Variants in DDR1 observed in about 807,000 individuals in gnomAD.
DDR1 encodes the protein epithelial discoidin domain-containing receptor 1.
DDR1 carries 64 observed loss-of-function variants against 97.4 expected under a neutral mutation model. That is an observed-to-expected ratio of 0.66 (90% CI 0.54 to 0.81). The LOEUF (loss-of-function observed/expected upper bound fraction) is 0.81, where lower values mean the gene tolerates loss of function less well. Ranked by LOEUF, DDR1 falls within the 30% of genes least tolerant of loss-of-function variation. The pLI, the probability that DDR1 is intolerant of heterozygous loss-of-function variation, is 0.00. For missense variants in DDR1, 990 were observed against 1,259.6 expected (o/e 0.79, Z 3.24); for synonymous variants, 458 against 503.7 (o/e 0.91, Z 1.21).
rs1055137436 is a variant in DDR1, at chr6:30,896,815, C to T, written c.1819C>T (p.Arg607Ter). ...GDGPPRVDFP[R>*]SRLRFKEKLG... Reference sequence around the variant, plus strand: ...TGGGCCCCCCAGAGTGGATTTCCCTCGATCTCGACTCCGCTTCAAGGAGAA... The same window carrying T: ...TGGGCCCCCCAGAGTGGATTTCCCTTGATCTCGACTCCGCTTCAAGGAGAA... The change falls in exon 13 of 18, where the codon CGA becomes TGA. Residue 607 changes from arginine to a stop codon, truncating the protein, a stop_gained. Transcript: ENST00000376568. LOFTEE classifies it high-confidence loss of function. The T allele has an allele frequency of 2.5e-6, 4 of 1,591,124 alleles. No individual in the cohort carries two copies. In the African/African-American group the frequency reaches 4.0e-5, roughly 16 times the overall value.
At position 30,892,037 on chromosome 6, in the gene DDR1, G is replaced by T; in HGVS notation, c.701G>T (p.Gly234Val). The change falls in exon 7 of 18, where the codon GGT (glycine) becomes GTT (valine). Residue 234 changes from glycine (G) to valine (V), a missense_variant. Transcript: ENST00000376568. ...QYGGLGQLAD[G>V]VVGLDDFRKS... is the part of the protein sequence containing the mutation. The stretch of plus-strand genomic sequence containing the variant: ...GGGGGTCTGGGCCAGCTGGCAGATG[G>T]TGTGGTGGGGCTGGATGACTTTAGG... The T allele has an allele frequency of 6.2e-7, 1 of 1,614,106 alleles. No homozygotes were observed. Among genetic ancestry groups the T allele is most frequent in the Non-Finnish European group, 8.5e-7 (1 of 1,179,980 alleles).
Position 30,897,078 on chromosome 6 carries a change from G to C in DDR1, c.1934G>C (p.Arg645Pro), listed in dbSNP as rs758007556. The C allele has an allele frequency of 6.2e-7, 1 of 1,613,842 alleles. No homozygotes were observed. ...LVSLDFPLNV[R>P]KGHPLLVAVK... ...AGTCTTGATTTCCCCCTTAATGTGC[G>C]TAAGGGACACCCTTTGCTGGTAGCT... The change falls in exon 14 of 18, where the codon CGT becomes CCT. Residue 645 changes from arginine (R) to proline (P), a missense_variant. By Grantham distance (103) the Arg-to-Pro change is moderately radical. Coordinates refer to ENST00000376568, the MANE Select transcript of DDR1 (RefSeq NM_001297654.2). The surrounding 1 kb of genome is among the most constrained non-coding windows in gnomAD (Gnocchi z 5.2).
In DDR1 at chr6:30,886,278, G is replaced by A. The variant is rs925910841; in HGVS notation, c.-43+1568G>A. On this transcript the variant is annotated intron_variant, in intron 1 of 17. Transcript: ENST00000376568. The surrounding 1 kb of genome is among the most constrained non-coding windows in gnomAD (Gnocchi z 4.6). ...TGACTCATCTGGGATAGGCATGAAG[G>A]TTACTTAGGGGAACAAGAGCCCCGC... 6.6e-6 allele frequency among the ~76,000 whole-genome samples: 1 copy of A among 152,160 alleles called. No individual in the cohort carries two copies. The highest frequency in any genetic ancestry group is 1.5e-5 in the Non-Finnish European group (1 of 68,026).
rs1792161590 is a variant in DDR1, at chr6:30,899,358, CAA to C, written c.*63_*64del. Reference sequence around the variant, plus strand: ...CCAGGGGAAGCCAGTGACACTAAAACAAGAGGACACAATGGCACCTCTGCCCT... The same window carrying C: ...CCAGGGGAAGCCAGTGACACTAAAACGAGGACACAATGGCACCTCTGCCCT... On this transcript the variant is annotated 3_prime_UTR_variant, in exon 18 of 18. Coordinates refer to ENST00000376568, the MANE Select transcript of DDR1 (RefSeq NM_001297654.2). 5 of 1,549,926 alleles carry C rather than the reference CAA, an allele frequency of 3.2e-6. No individual in the cohort carries two copies. The African/African-American group carries it at 4.1e-5, about 13-fold the overall frequency.
At chr6:30,895,539 C>T (rs768104727) in intron 12 of DDR1, 25 bp downstream of exon 12, 12 of 1,457,918 alleles carry the variant, frequency 8.2e-6, no homozygotes, top group South Asian at 2.4e-5. Flanking sequence ...CCCTGGGCTC[C>T]GCCAGGCTCC....
chr6:30,898,992 G>A lies in DDR1; in HGVS notation c.2556G>A (p.Gln852=). 7 of 1,614,206 alleles carry A rather than the reference G, an allele frequency of 4.3e-6. No individual in the cohort carries two copies. Among genetic ancestry groups the A allele is most frequent in the Non-Finnish European group, 5.9e-6 (7 of 1,180,044 alleles). ...AQPFGQLTDE[Q]VIENAGEFFR... is the part of the protein sequence containing the mutation. ...CCTTTGGGCAGCTCACCGACGAGCAGGTCATCGAGAACGCGGGGGAGTTCT... is the reference window on the plus strand; with the variant it reads ...CCTTTGGGCAGCTCACCGACGAGCAAGTCATCGAGAACGCGGGGGAGTTCT... The change falls in exon 17 of 18, where the codon CAG becomes CAA. Residue 852 remains glutamine (Q), a synonymous_variant. Transcript: ENST00000376568.
Position 30,899,052 on chromosome 6 carries a change from G to C in DDR1, c.2601+15G>C, listed in dbSNP as rs769873326. On this transcript the variant is annotated intron_variant, in intron 17 of 17. Coordinates refer to ENST00000376568, the MANE Select transcript of DDR1 (RefSeq NM_001297654.2). ...AGGGCCGGCAGGTCAGAGTGGAGGAGAGGGAAGATGGGTCCGAGGCGGGGG... is the reference window on the plus strand; with the variant it reads ...AGGGCCGGCAGGTCAGAGTGGAGGACAGGGAAGATGGGTCCGAGGCGGGGG... 1.2e-6 allele frequency: 2 copies of C among 1,614,168 alleles called. No individual in the cohort carries two copies. Among genetic ancestry groups the C allele is most frequent in the African/African-American group, 1.3e-5 (1 of 75,038 alleles).
chr6:30,891,554 T>TGA lies in DDR1; in HGVS notation c.665+76_665+77insAG, dbSNP rs1788308737. ...GTGTGTGTGTGTGTGTGTGTGTGTGTGTGAGAGTGTGTGTGTGTAGGGGGG... is the reference window on the plus strand; with the variant it reads ...GTGTGTGTGTGTGTGTGTGTGTGTGTGAGTGAGAGTGTGTGTGTGTAGGGGGG... On this transcript the variant is annotated intron_variant, in intron 6 of 17. Transcript: ENST00000376568. The surrounding 1 kb of genome is among the most constrained non-coding windows in gnomAD (Gnocchi z 5.3). 5 of 943,160 alleles carry TGA rather than the reference T, an allele frequency of 5.3e-6. No individual in the cohort carries two copies. Among genetic ancestry groups the TGA allele is most frequent in the South Asian group, 3.0e-5 (2 of 65,606 alleles). The allele number at this position is 943,160 out of a possible 1,614,324, so 58.4% of individuals were successfully genotyped here.
At chr6:30,885,511 T>G in intron 1 of DDR1, 1 of 1,227,798 alleles carries the variant, frequency 8.1e-7, no homozygotes, top group Non-Finnish European at 1.1e-6. Context: ...CCATGTGTGT[T>G]AGAGGCTGGG....
Position 30,897,066 on chromosome 6 carries a change from C to T in DDR1, c.1922C>T (p.Pro641Leu). The change falls in exon 14 of 18, where the codon CCC (proline) becomes CTC (leucine). Residue 641 changes from proline (P) to leucine (L), a missense_variant. Transcript: ENST00000376568. The surrounding 1 kb of genome is among the most constrained non-coding windows in gnomAD (Gnocchi z 5.2). ...CAAGATCTGGTTAGTCTTGATTTCC[C>T]CCTTAATGTGCGTAAGGGACACCCT... The part of the protein sequence containing the change: ...SPQDLVSLDF[P>L]LNVRKGHPLL... 4.3e-6 allele frequency: 7 copies of T among 1,613,906 alleles called. No homozygotes were observed. Among genetic ancestry groups the T allele is most frequent in the East Asian group, 2.2e-5 (1 of 44,856 alleles).
At position 30,897,382 on chromosome 6, in the gene DDR1, T is replaced by C. The variant is rs1246483740; in HGVS notation, c.2001T>C (p.Asn667=). The change falls in exon 15 of 18, where the codon AAT becomes AAC. Residue 667 remains asparagine, a synonymous_variant. Transcript: ENST00000376568. This position sits in a 1 kb window ranked among gnomAD's most constrained non-coding sequence, Gnocchi z 5.2. ...TCAGCTTCTCCTTGTTCTCCAGGAA[T>C]GATTTCCTGAAAGAGGTGAAGATCA... ...LRPDATKNAR[N]DFLKEVKIMS... The C allele has an allele frequency of 4.3e-6, 7 of 1,613,892 alleles. No homozygotes were observed. Among genetic ancestry groups the C allele is most frequent in the East Asian group, 2.2e-5 (1 of 44,866 alleles).
chr6:30,900,050 T>A lies in DDR1; in HGVS notation c.*754T>A, dbSNP rs771530775. 1.7e-6 allele frequency: 1 copy of A among 596,562 alleles called. No homozygotes were observed. The highest frequency in any genetic ancestry group is 3.2e-6 in the Non-Finnish European group (1 of 307,782). The allele number at this position is 596,562 out of a possible 1,614,324, so 37.0% of individuals were successfully genotyped here. On this transcript the variant is annotated 3_prime_UTR_variant, in exon 18 of 18. Coordinates refer to ENST00000376568, the MANE Select transcript of DDR1 (RefSeq NM_001297654.2). The stretch of plus-strand genomic sequence containing the variant: ...CTATAATCACTTGGGGTTTGTACAT[T>A]TTTGGGGGGAGAGACACAGATTTTT...
At position 30,895,443 on chromosome 6, in the gene DDR1, C is replaced by T. The variant is rs539458320; in HGVS notation, c.1553C>T (p.Ala518Val). The change falls in exon 12 of 18, where the codon GCC becomes GTC. Residue 518 changes from alanine (A) to valine (V), a missense_variant. Transcript: ENST00000376568. ...LSNPAYRLLL[A>V]TYARPPRGPG... The stretch of plus-strand genomic sequence containing the variant: ...AATCCAGCCTACCGCCTCCTTCTGG[C>T]CACTTACGCCCGTCCCCCTCGAGGC... 5 of 1,610,602 alleles carry T rather than the reference C, an allele frequency of 3.1e-6. No individual in the cohort carries two copies. The highest frequency in any genetic ancestry group is 2.2e-5 in the East Asian group (1 of 44,742).
chr6:30,883,280 T>C (rs1210632116), upstream of DDR1: 1 of 152,140 alleles, frequency 6.6e-6, no homozygotes, highest in Non-Finnish European at 1.5e-5. This position sits in a 1 kb window ranked among gnomAD's most constrained non-coding sequence, Gnocchi z 4.9. Flanking sequence ...GGGGCGGAGA[T>C]GTGCAGTGGA....
At chr6:30,885,093 C>A in intron 1 of DDR1, 1 of 1,102,050 alleles carries the variant, frequency 9.1e-7, no homozygotes, top group Non-Finnish European at 1.3e-6. Context: ...AACTGCTAAG[C>A]CTCCGCTCAG....
In DDR1 at chr6:30,894,363, C is replaced by G; in HGVS notation, c.1348-143C>G. 4.4e-6 allele frequency: 3 copies of G among 676,384 alleles called. No individual in the cohort carries two copies. Among genetic ancestry groups the G allele is most frequent in the Non-Finnish European group, 6.7e-6 (3 of 448,418 alleles). The allele number at this position is 676,384 out of a possible 1,614,324, so 41.9% of individuals were successfully genotyped here. On this transcript the variant is annotated intron_variant, in intron 10 of 17. Coordinates refer to ENST00000376568, the MANE Select transcript of DDR1 (RefSeq NM_001297654.2). This position sits in a 1 kb window ranked among gnomAD's most constrained non-coding sequence, Gnocchi z 5.7. ...TCCATGCTCTTGAGCTTCACTTTCTCTGCCTGTAAGATGGTGCTGATAGTA... is the reference window on the plus strand; with the variant it reads ...TCCATGCTCTTGAGCTTCACTTTCTGTGCCTGTAAGATGGTGCTGATAGTA...
rs368995665 is a variant in DDR1 at position 30,888,705 on chromosome 6, C to T, written c.-25C>T. ...CCCTGCAGAGATGCTGCCCCCACCC[C>T]CTTAGGCCCGAGGGATCAGGAGCTA... is the stretch of plus-strand genomic sequence containing the variant. On this transcript the variant is annotated 5_prime_UTR_variant, in exon 2 of 18. Coordinates refer to ENST00000376568, the MANE Select transcript of DDR1 (RefSeq NM_001297654.2). The surrounding 1 kb of genome is among the most constrained non-coding windows in gnomAD (Gnocchi z 4.2). 3.1e-6 allele frequency: 5 copies of T among 1,612,582 alleles called. No homozygotes were observed. Among genetic ancestry groups the T allele is most frequent in the Non-Finnish European group, 4.2e-6 (5 of 1,179,880 alleles).
In DDR1 at chr6:30,891,025, C is replaced by T. The variant is rs1437728449; in HGVS notation, c.470C>T (p.Pro157Leu). Residue 157 changes from proline (P) to leucine (L), a missense_variant, in exon 5 of 18, where the codon CCC (proline) becomes CTC (leucine). Transcript: ENST00000376568. This position sits in a 1 kb window ranked among gnomAD's most constrained non-coding sequence, Gnocchi z 5.3. ...PEGVVLKDLG[P>L]PMVARLVRFY... ...GGAGTGGTGCTGAAGGACCTTGGGC[C>T]CCCCATGGTTGCCCGACTGGTTCGC... The T allele has an allele frequency of 1.9e-5, 30 of 1,612,722 alleles. No homozygotes were observed. Among genetic ancestry groups the T allele is most frequent in the Non-Finnish European group, 2.5e-5 (30 of 1,179,920 alleles).
At position 30,897,292 on chromosome 6, in the gene DDR1, C is replaced by A. The variant is rs1582101794; in HGVS notation, c.1998-87C>A. 1 of 1,265,210 alleles carries A rather than the reference C, an allele frequency of 7.9e-7. No homozygotes were observed. The highest frequency in any genetic ancestry group is 1.3e-5 in the South Asian group (1 of 75,240). The allele number at this position is 1,265,210 out of a possible 1,614,324, so 78.4% of individuals were successfully genotyped here. ...GCTGGGGGTGGGGACGCCTGGTCTG[C>A]CTGAGGTGGGGCAGGGGGGTGGGGG... On this transcript the variant is annotated intron_variant, in intron 14 of 17. Transcript: ENST00000376568. This position sits in a 1 kb window ranked among gnomAD's most constrained non-coding sequence, Gnocchi z 5.2.
Sources: allele counts gnomAD v4.1 joint callset (sites outside exome capture counted in the v4.1 genomes callset), GRCh38; gene constraint gnomAD v4.1.1; non-coding constraint Gnocchi (gnomAD v3.1); transcripts MANE v1.5; gene names NCBI Gene and HGNC (gene_info 2026-07-23, HGNC 2026-07-21).